The following SVEP1 variants were observed in gnomAD, a reference collection of about 807,000 sequenced individuals.
SVEP1 encodes sushi, von Willebrand factor type A, EGF and pentraxin domain containing 1.
In SVEP1, 164 loss-of-function variants were observed where a neutral mutation model predicts 367.3. The ratio of observed to expected loss-of-function variants is 0.45; its 90% CI spans 0.39 to 0.51. SVEP1 has a LOEUF of 0.51. Among genes scored for constraint, SVEP1 ranks in the 20% least tolerant of loss-of-function variants. The probability of loss-of-function intolerance (pLI) is 0.00; values close to 1 mark genes in which losing one functional copy is unlikely to be tolerated. For missense variants in SVEP1, 4,117 were observed against 4,425.3 expected, an observed-to-expected ratio of 0.93 and a Z score of 1.98; for synonymous variants, 1,666 against 1,611.6, an observed-to-expected ratio of 1.03 and a Z score of -0.81.
At chr9:110,393,305 C>T (rs1158684156) in intron 40 of SVEP1, among the ~76,000 whole-genome samples, 1 of 152,102 alleles carries the variant, frequency 6.6e-6, no homozygotes, top group East Asian at 1.9e-4. Flanking sequence ...TAAGCCTGGT[C>T]CCAGACTGCA....
intron 38 of SVEP1, among the ~76,000 whole-genome samples, chr9:110,405,108 C>G (rs1000583278): frequency 1.3e-5 from 2 of 151,280 alleles, no homozygotes. Context: ...ACTAAAATTA[C>G]TTTAAGTGTT....
At chr9:110,548,107 T>C (rs1830242467) in intron 2 of SVEP1, among the ~76,000 whole-genome samples, 1 of 152,170 alleles carries the variant, frequency 6.6e-6, no homozygotes, top group Admixed American at 6.5e-5. Context: ...TATCTCCAAC[T>C]GCAACCACCC....
At chr9:110,459,187 G>A in intron 18 of SVEP1, 74 bp from the exon 19 acceptor site, 1 of 1,385,884 alleles carries the variant, frequency 7.2e-7, no homozygotes, top group Non-Finnish European at 1.0e-6. Context: ...GATTTAATCT[G>A]TGCATATAAG....
Position 110,450,090 on chromosome 9 carries a change from C to G in SVEP1, c.4072G>C (p.Ala1358Pro), listed in dbSNP as rs2118608871. 6.2e-7 allele frequency: 1 copy of G among 1,613,936 alleles called. No individual in the cohort carries two copies. Among genetic ancestry groups the G allele is most frequent in the Non-Finnish European group, 8.5e-7 (1 of 1,179,818 alleles). The change falls in exon 24 of 48, where the codon GCT becomes CCT. Residue 1358 changes from alanine (A) to proline (P), a missense_variant. By Grantham distance (27) the Ala-to-Pro change is conservative. Coordinates refer to ENST00000374469, the MANE Select transcript of SVEP1 (RefSeq NM_153366.4). ...ECLSQPCKNG[A>P]TCKDGANSFR... ...CTATTGGCACCGTCTTTACAGGTAG[C>G]TCCATTTTTGCATGGCTGACTGAGA... is the stretch of plus-strand genomic sequence containing the variant.
intron 28 of SVEP1, among the ~76,000 whole-genome samples, 188 bp from the exon 29 acceptor site, chr9:110,435,552 C>T (rs1341817214): frequency 1.3e-5 from 2 of 152,126 alleles, no homozygotes; most frequent in Non-Finnish European, 2.9e-5. Context: ...CTATCATTCC[C>T]TCTCCCAGCT....
chr9:110,428,429 C>CACACACACACACACACACACACAA (rs60798857), intron 35 of SVEP1, among the ~76,000 whole-genome samples: 10 of 151,224 alleles, frequency 6.6e-5, no homozygotes, highest in African/African-American at 2.4e-4. Flanking sequence ...CACACACACA[C>CACACACACACACACACACACACAA]CATTAATCTC....
At chr9:110,403,329 G>A (rs901457837) in intron 39 of SVEP1, among the ~76,000 whole-genome samples, 2 of 49,812 alleles carry the variant, frequency 4.0e-5, no homozygotes, top group Non-Finnish European at 5.6e-5. Flanking sequence ...TTTTTGACAC[G>A]GAGTATTGCT....
chr9:110,471,111 C>T (rs1021561500), intron 16 of SVEP1, among the ~76,000 whole-genome samples: 3 of 152,134 alleles, frequency 2.0e-5, no homozygotes, highest in Admixed American at 1.3e-4. Flanking sequence ...ATTATTGGAG[C>T]TGTTACTGAA....
At chr9:110,429,793 A>G in intron 34 of SVEP1, 127 bp downstream of exon 34, 1 of 711,316 alleles carries the variant, frequency 1.4e-6, no homozygotes, top group Non-Finnish European at 2.4e-6. Context: ...GTATCATTCG[A>G]TTAATTACAT....
chr9:110,386,086 A>G lies in SVEP1; in HGVS notation c.10061-12T>C. On this transcript the variant is annotated splice_polypyrimidine_tract_variant and intron_variant, in intron 42 of 47. Transcript: ENST00000374469. ...AGGGCATGGATTTGCTGTCAAAAAG[A>G]AAAGAAAATGCTTACTGATATTTCC... 6.2e-7 allele frequency: 1 copy of G among 1,603,462 alleles called. No homozygotes were observed. The highest frequency in any genetic ancestry group is 8.5e-7 in the Non-Finnish European group (1 of 1,174,998).
chr9:110,579,007 C>G lies in SVEP1; in HGVS notation c.531+6G>C, dbSNP rs1290431175. On this transcript the variant is annotated splice_donor_region_variant and intron_variant, in intron 1 of 47. Transcript: ENST00000374469. The surrounding 1 kb of genome is among the most constrained non-coding windows in gnomAD (Gnocchi z 5.3). The stretch of plus-strand genomic sequence containing the variant: ...GGGCCCGGGTCGGGAGGGGCGGGCG[C>G]CTTACCGCGGCTTGCTGGAAGGCGC... The G allele has an allele frequency of 9.7e-6, 15 of 1,542,404 alleles. No homozygotes were observed. The South Asian group carries it at 1.1e-4, about 11-fold the overall frequency.
At chr9:110,368,111 C>T (rs1827225469) in intron 47 of SVEP1, among the ~76,000 whole-genome samples, 1 of 150,582 alleles carries the variant, frequency 6.6e-6, no homozygotes, top group Non-Finnish European at 1.5e-5. Context: ...TTCCCTTCCA[C>T]ATGAACTAAA....
intron 22 of SVEP1, among the ~76,000 whole-genome samples, chr9:110,453,952 CTGA>C (rs1445501241): frequency 1.4e-5 from 2 of 146,942 alleles, no homozygotes; most frequent in African/African-American, 2.5e-5. Flanking sequence ...TTGGCCTTTT[CTGA>C]TGATTAGCGA....
intron 14 of SVEP1, among the ~76,000 whole-genome samples, chr9:110,474,848 A>C (rs1016608767): frequency 6.6e-6 from 1 of 152,158 alleles, no homozygotes; most frequent in Non-Finnish European, 1.5e-5. Context: ...ATAATATTCA[A>C]ACTGTACTGA....
chr9:110,521,937 T>C (rs537766126), intron 3 of SVEP1, among the ~76,000 whole-genome samples: 6 of 152,338 alleles, frequency 3.9e-5, no homozygotes, highest in African/African-American at 1.4e-4. Context: ...TTTACAAACT[T>C]GAACAGCTTT....
At chr9:110,513,898 C>T (rs1829759770) in intron 4 of SVEP1, 50 bp downstream of exon 4, 10 of 1,549,548 alleles carry the variant, frequency 6.5e-6, no homozygotes, top group Non-Finnish European at 8.8e-6. Context: ...CTATTTCTCT[C>T]AGAGAAATCA....
At chr9:110,462,558 C>T (rs139918940) in intron 18 of SVEP1, among the ~76,000 whole-genome samples, 5 of 149,922 alleles carry the variant, frequency 3.3e-5, no homozygotes, top group African/African-American at 1.2e-4. Context: ...CAATACTAAA[C>T]ATGTACATGT....
chr9:110,482,137 G>C (rs34545040), intron 11 of SVEP1, among the ~76,000 whole-genome samples: 11 of 152,174 alleles, frequency 7.2e-5, no homozygotes, highest in Non-Finnish European at 2.9e-5. Flanking sequence ...TGTAACCTTA[G>C]AGAAAATGTT....
Position 110,579,696 on chromosome 9 carries a change from A to G in SVEP1, c.-153T>C, listed in dbSNP as rs1470480645. ...CGCCCTTTCATCTGACACTGGGGAC[A>G]GACACAATCCAGACTCCTCAGCAGC... is the stretch of plus-strand genomic sequence containing the variant. On this transcript the variant is annotated 5_prime_UTR_variant, in exon 1 of 48. Coordinates refer to ENST00000374469, the MANE Select transcript of SVEP1 (RefSeq NM_153366.4). This position sits in a 1 kb window ranked among gnomAD's most constrained non-coding sequence, Gnocchi z 5.3. 1.1e-6 allele frequency: 1 copy of G among 934,004 alleles called. No individual in the cohort carries two copies. The highest frequency in any genetic ancestry group is 1.5e-6 in the Non-Finnish European group (1 of 667,432). The allele number at this position is 934,004 out of a possible 1,614,324, so 57.9% of individuals were successfully genotyped here.
Sources: allele counts gnomAD v4.1 joint callset (sites outside exome capture counted in the v4.1 genomes callset), GRCh38; gene constraint gnomAD v4.1.1; non-coding constraint Gnocchi (gnomAD v3.1); transcripts MANE v1.5; gene names NCBI Gene and HGNC (gene_info 2026-07-23, HGNC 2026-07-21).